The following PDE7B variants were observed in gnomAD, a reference collection of about 807,000 sequenced individuals.
The protein encoded by PDE7B is 3',5'-cyclic-AMP phosphodiesterase 7B.
In PDE7B, 29 loss-of-function variants were observed where a neutral mutation model predicts 56.2. That is an observed-to-expected ratio of 0.52 (90% CI 0.38 to 0.70). The LOEUF (loss-of-function observed/expected upper bound fraction) is 0.70, where lower values mean the gene tolerates loss of function less well. Among genes scored for constraint, PDE7B ranks in the 30% least tolerant of loss-of-function variants. PDE7B has a pLI of 0.00. For missense variants in PDE7B, 490 were observed against 565.0 expected, an observed-to-expected ratio of 0.87 and a Z score of 1.35; for synonymous variants, 197 against 196.9, an observed-to-expected ratio of 1.00 and a Z score of 0.00.
At chr6:136,130,935 A>T (rs1281537134) in intron 3 of PDE7B, among the ~76,000 whole-genome samples, 1 of 152,188 alleles carries the variant, frequency 6.6e-6, no homozygotes, top group Non-Finnish European at 1.5e-5. Context: ...TGAGAACAGT[A>T]TGGGGAAAAC....
At chr6:136,053,162 A>ACTCATCATTT (rs1562480842) in intron 2 of PDE7B, among the ~76,000 whole-genome samples, 1 of 149,662 alleles carries the variant, frequency 6.7e-6, no homozygotes, top group Admixed American at 6.6e-5. Flanking sequence ...GCACCCATTA[A>ACTCATCATTT]CTCATCATTT....
chr6:135,863,054 C>T (rs1029521578), intron 1 of PDE7B, among the ~76,000 whole-genome samples: 7 of 151,828 alleles, frequency 4.6e-5, no homozygotes, highest in Non-Finnish European at 8.8e-5. Flanking sequence ...TTTTTTGAAA[C>T]TTGAATGTAT....
intron 2 of PDE7B, among the ~76,000 whole-genome samples, chr6:136,040,795 A>G (rs1776399997): frequency 6.6e-6 from 1 of 152,240 alleles, no homozygotes; most frequent in Admixed American, 6.5e-5. Flanking sequence ...GCCTTGCTTT[A>G]TGCTTGAAAT....
chr6:135,865,255 T>C (rs1775232748), intron 1 of PDE7B, among the ~76,000 whole-genome samples: 1 of 152,236 alleles, frequency 6.6e-6, no homozygotes, highest in Non-Finnish European at 1.5e-5. Flanking sequence ...CTACTCCCAT[T>C]ACTTACCTTC....
intron 3 of PDE7B, chr6:136,117,310 C>T (rs1583890019): frequency 6.6e-6 from 1 of 152,152 alleles, no homozygotes; most frequent in Admixed American, 6.5e-5. Flanking sequence ...ACAGGCAGAG[C>T]CTATCTCTGT....
intron 1 of PDE7B, among the ~76,000 whole-genome samples, chr6:135,881,403 G>A (rs1775609057): frequency 6.6e-6 from 1 of 151,826 alleles, no homozygotes; most frequent in African/African-American, 2.4e-5. Context: ...AGCTACTCAG[G>A]AGGCTGAGGC....
Position 136,194,760 on chromosome 6 carries a change from G to A in PDE7B, c.*2920G>A, listed in dbSNP as rs1779287383. On this transcript the variant is annotated 3_prime_UTR_variant, in exon 13 of 13. Transcript: ENST00000308191. ...ACAAAAATTAGCTGGGCATGGCAGT[G>A]CGTGCCTGCAATCCCAGCTACTCAG... The A allele has an allele frequency of 6.6e-6, 1 of 152,284 alleles. No individual in the cohort carries two copies. The highest frequency in any genetic ancestry group is 2.4e-5 in the African/African-American group (1 of 41,450). 9.4% of individuals were successfully genotyped at this position (152,284 alleles called of 1,614,324 possible). A position where few individuals can be genotyped will look rare whatever the true frequency, so the allele number is the denominator to read the frequency against.
At chr6:136,002,419 A>T (rs879283041) in intron 2 of PDE7B, among the ~76,000 whole-genome samples, 3 of 152,238 alleles carry the variant, frequency 2.0e-5, no homozygotes, top group Non-Finnish European at 4.4e-5. Context: ...TTGGATAAAG[A>T]GTCAAGACCC....
At chr6:135,917,495 C>T (rs993731861) in intron 1 of PDE7B, among the ~76,000 whole-genome samples, 1 of 152,050 alleles carries the variant, frequency 6.6e-6, no homozygotes, top group Non-Finnish European at 1.5e-5. Flanking sequence ...TCTGTTTACC[C>T]ATTATATTTC....
intron 1 of PDE7B, among the ~76,000 whole-genome samples, chr6:135,877,591 T>G (rs2128188048): frequency 6.6e-6 from 1 of 152,242 alleles, no homozygotes; most frequent in East Asian, 1.9e-4. Context: ...TTCCTTCACT[T>G]TGGCTTCTAA....
intron 1 of PDE7B, among the ~76,000 whole-genome samples, chr6:135,928,489 A>ATATATT (rs1774236171): frequency 2.3e-4 from 19 of 81,720 alleles, no homozygotes; most frequent in Admixed American, 5.4e-4. Flanking sequence ...ATATTTATTT[A>ATATATT]TATATATATA....
At chr6:136,058,048 T>G (rs1045289580) in intron 2 of PDE7B, among the ~76,000 whole-genome samples, 1 of 152,074 alleles carries the variant, frequency 6.6e-6, no homozygotes, top group African/African-American at 2.4e-5. Context: ...TGCTCACAAT[T>G]TAATAATGCA....
chr6:136,093,536 C>T (rs1052131370), intron 2 of PDE7B, among the ~76,000 whole-genome samples: 1 of 152,114 alleles, frequency 6.6e-6, no homozygotes, highest in African/African-American at 2.4e-5. Context: ...ATGAACAGAC[C>T]CATGGCCATG....
intron 11 of PDE7B, among the ~76,000 whole-genome samples, chr6:136,185,768 CA>C (rs1779135848): frequency 6.6e-6 from 1 of 151,690 alleles, no homozygotes; most frequent in African/African-American, 2.4e-5. Context: ...CTGCCTCTTA[CA>C]AAAAACAATG....
chr6:136,134,198 C>G (rs1299470552), intron 3 of PDE7B, among the ~76,000 whole-genome samples: 1 of 152,076 alleles, frequency 6.6e-6, no homozygotes, highest in East Asian at 1.9e-4. Flanking sequence ...AGGGAGTAAA[C>G]TAGCAGAGAC....
chr6:136,104,583 C>T (rs1167102454), intron 2 of PDE7B, among the ~76,000 whole-genome samples: 1 of 152,104 alleles, frequency 6.6e-6, no homozygotes, highest in Non-Finnish European at 1.5e-5. Context: ...CTCCTTAAAG[C>T]AGGGAGAAGG....
At chr6:136,187,248 G>C (rs900321754) in intron 12 of PDE7B, 132 bp downstream of exon 12, 5 of 607,628 alleles carry the variant, frequency 8.2e-6, no homozygotes, top group South Asian at 6.7e-5. Flanking sequence ...TTGAATGGCT[G>C]AGTCCAAATT....
chr6:135,993,637 C>T (rs779181574), intron 2 of PDE7B, among the ~76,000 whole-genome samples: 2 of 152,166 alleles, frequency 1.3e-5, no homozygotes. Context: ...TCAAAGCAAG[C>T]CAGAAACTTG....
At chr6:136,112,259 A>G (rs1474228134) in intron 3 of PDE7B, among the ~76,000 whole-genome samples, 1 of 152,248 alleles carries the variant, frequency 6.6e-6, no homozygotes, top group Non-Finnish European at 1.5e-5. Context: ...CAACCAGAAC[A>G]AAGTTTCTAG....
Sources: allele counts gnomAD v4.1 joint callset (sites outside exome capture counted in the v4.1 genomes callset), GRCh38; gene constraint gnomAD v4.1.1; transcripts MANE v1.5; gene names NCBI Gene and HGNC (gene_info 2026-07-23, HGNC 2026-07-21).